Variants in RIPOR2 observed in about 807,000 individuals in gnomAD.
RIPOR2 encodes rho family-interacting cell polarization regulator 2.
Under a neutral mutation model 114.5 loss-of-function variants are expected in RIPOR2, and 39 were observed. The ratio of observed to expected loss-of-function variants is 0.34; its 90% CI spans 0.26 to 0.44. RIPOR2 has a LOEUF of 0.44. Among genes scored for constraint, RIPOR2 ranks in the 20% least tolerant of loss-of-function variants. The probability of loss-of-function intolerance (pLI) is 1.00; values close to 1 mark genes in which losing one functional copy is unlikely to be tolerated. For synonymous variants in RIPOR2, 445 were observed against 484.4 expected (o/e 0.92, Z 1.07); for missense variants, 1,007 against 1,255.1 (o/e 0.80, Z 2.99).
Position 25,008,251 on chromosome 6 carries a change from C to T in RIPOR2, c.76+33600G>A, listed in dbSNP as rs556886427. Among the ~76,000 whole-genome samples, 18 of 152,030 alleles carry T rather than the reference C, an allele frequency of 1.2e-4. No individual in the cohort carries two copies. The South Asian group carries it at 2.9e-3, about 25-fold the overall frequency. ...CAAGCTGATCTCGAACTCCTGACCT[C>T]GTGAGACACCCGCCTCGGCCTCCCA... On this transcript the variant is annotated intron_variant, in intron 1 of 13. Coordinates refer to the RIPOR2 transcript ENST00000510784.
intron 13 of RIPOR2, among the ~76,000 whole-genome samples, chr6:24,841,687 G>A (rs1274223331): frequency 6.6e-6 from 1 of 150,856 alleles, no homozygotes; most frequent in Admixed American, 6.6e-5. Flanking sequence ...ACGTGATCTC[G>A]GCTCACTACA....
chr6:24,968,444 C>T (rs1418017143), intron 1 of RIPOR2, among the ~76,000 whole-genome samples: 1 of 152,144 alleles, frequency 6.6e-6, no homozygotes. Context: ...TACCCAGTCT[C>T]CAGTTGGACC....
Position 25,001,080 on chromosome 6 carries a change from G to A in RIPOR2, c.76+40771C>T, listed in dbSNP as rs779829129. Among the ~76,000 whole-genome samples, 165 of 152,136 alleles carry A rather than the reference G, an allele frequency of 1.1e-3. 1 individual carries two copies. Among genetic ancestry groups the A allele is most frequent in the Middle Eastern group, 6.8e-3 (2 of 294 alleles). On this transcript the variant is annotated intron_variant, in intron 1 of 13. Coordinates refer to the RIPOR2 transcript ENST00000510784. ...ATCTGGTGCATGTGCACACACATACGCACATGTACATATACATGCACATAT... is the reference window on the plus strand; with the variant it reads ...ATCTGGTGCATGTGCACACACATACACACATGTACATATACATGCACATAT...
At chr6:24,861,719 T>A (rs1283886184) in intron 7 of RIPOR2, among the ~76,000 whole-genome samples, 1 of 152,152 alleles carries the variant, frequency 6.6e-6, no homozygotes, top group Non-Finnish European at 1.5e-5. Context: ...TAAAAAGAGA[T>A]CCAGGTTAAA....
chr6:25,042,074 AG>A (rs1470863113), upstream of RIPOR2: 3 of 526,092 alleles, frequency 5.7e-6, no homozygotes, highest in African/African-American at 2.0e-5. Context: ...AAAAAAAAAG[AG>A]TATTTGAGGC....
intron 1 of RIPOR2, among the ~76,000 whole-genome samples, chr6:24,953,802 A>G (rs975581524): frequency 1.3e-5 from 2 of 152,240 alleles, no homozygotes; most frequent in Admixed American, 1.3e-4. Context: ...CCAATCATAC[A>G]TCTGCATGAC....
intron 1 of RIPOR2, among the ~76,000 whole-genome samples, chr6:24,950,106 A>G (rs1308197355): frequency 1.7e-4 from 26 of 152,170 alleles, no homozygotes. Context: ...GGGTAGTATA[A>G]ATGCCCGGTG....
intron 4 of RIPOR2, among the ~76,000 whole-genome samples, chr6:24,871,795 G>A (rs1304029779): frequency 1.3e-5 from 2 of 152,204 alleles, no homozygotes; most frequent in East Asian, 1.9e-4. Flanking sequence ...CGGAACATGA[G>A]GTCTTGGCAG....
At chr6:24,986,538 GA>G (rs964349691) in intron 1 of RIPOR2, among the ~76,000 whole-genome samples, 13 of 148,240 alleles carry the variant, frequency 8.8e-5, no homozygotes, top group East Asian at 7.8e-4. Context: ...GTAGTTGCCA[GA>G]AAAAAAAAAG....
intron 10 of RIPOR2, 38 bp from the exon 11 acceptor site, chr6:24,849,988 C>T: frequency 6.4e-7 from 1 of 1,570,602 alleles, no homozygotes; most frequent in East Asian, 2.3e-5. Context: ...CCTTACATCA[C>T]AGCAGAGGAG....
At chr6:25,028,709 C>T (rs901964850) in intron 1 of RIPOR2, among the ~76,000 whole-genome samples, 2 of 152,236 alleles carry the variant, frequency 1.3e-5, no homozygotes, top group African/African-American at 4.8e-5. Context: ...TAGTACAGAT[C>T]CTTCTAGCTC....
chr6:24,847,494 A>G, intron 12 of RIPOR2: 1 of 1,534,036 alleles, frequency 6.5e-7, no homozygotes, highest in Non-Finnish European at 8.8e-7. Flanking sequence ...CACACATGCC[A>G]CAAGCCCCAG....
At chr6:24,919,493 T>C (rs891258690) in intron 1 of RIPOR2, among the ~76,000 whole-genome samples, 1 of 152,198 alleles carries the variant, frequency 6.6e-6, no homozygotes, top group East Asian at 1.9e-4. Flanking sequence ...ATGTTTTCAT[T>C]AGCAGCAGCA....
intron 19 of RIPOR2, among the ~76,000 whole-genome samples, chr6:24,820,615 C>T (rs1759599099): frequency 6.6e-6 from 1 of 152,132 alleles, no homozygotes; most frequent in Non-Finnish European, 1.5e-5. Context: ...AATGAATTCA[C>T]ACAATATGTA....
intron 1 of RIPOR2, among the ~76,000 whole-genome samples, 154 bp downstream of exon 1, chr6:24,935,684 A>T (rs938719255): frequency 2.0e-5 from 3 of 152,198 alleles, no homozygotes; most frequent in Non-Finnish European, 4.4e-5. Context: ...TTCAGTGCCT[A>T]AGTTGATATT....
At chr6:24,885,026 T>A (rs1316354731) in intron 1 of RIPOR2, among the ~76,000 whole-genome samples, 1 of 152,192 alleles carries the variant, frequency 6.6e-6, no homozygotes, top group Non-Finnish European at 1.5e-5. Flanking sequence ...TTATTAAGTA[T>A]ATATTATATG....
At chr6:24,886,358 A>G (rs1766836922) in intron 1 of RIPOR2, among the ~76,000 whole-genome samples, 1 of 152,200 alleles carries the variant, frequency 6.6e-6, no homozygotes, top group Non-Finnish European at 1.5e-5. Flanking sequence ...TGTAACATCA[A>G]TACAATACTA....
At chr6:24,902,497 G>A (rs181171716) in intron 1 of RIPOR2, among the ~76,000 whole-genome samples, 2 of 152,064 alleles carry the variant, frequency 1.3e-5, no homozygotes, top group African/African-American at 4.8e-5. Flanking sequence ...GATTACACGC[G>A]CAAGCCACCG....
At chr6:24,970,327 T>G (rs539038447) in intron 1 of RIPOR2, among the ~76,000 whole-genome samples, 51 of 152,288 alleles carry the variant, frequency 3.3e-4, no homozygotes, top group African/African-American at 1.1e-3. Context: ...TTTTGTGAGG[T>G]GAGCGGAGGC....
Sources: allele counts gnomAD v4.1 joint callset (sites outside exome capture counted in the v4.1 genomes callset), GRCh38; gene constraint gnomAD v4.1.1; transcripts MANE v1.5; gene names NCBI Gene and HGNC (gene_info 2026-07-23, HGNC 2026-07-21).